The following STRADA variants were observed in gnomAD, a reference collection of about 807,000 sequenced individuals.
STRADA encodes the protein STE20 related adaptor alpha.
A neutral mutation model predicts 55.0 loss-of-function variants in STRADA; 26 were observed. The ratio of observed to expected loss-of-function variants is 0.47; its 90% CI spans 0.35 to 0.66. The LOEUF is 0.66. Ranked by LOEUF, STRADA falls within the 30% of genes least tolerant of loss-of-function variation. The pLI is 0.01. For missense variants in STRADA, 443 were observed against 549.7 expected (o/e 0.81, Z 1.94); for synonymous variants, 197 against 210.9 (o/e 0.93, Z 0.57).
intron 1 of STRADA, among the ~76,000 whole-genome samples, chr17:63,738,747 A>G (rs2038637443): frequency 6.6e-6 from 1 of 151,918 alleles, no homozygotes; most frequent in South Asian, 2.1e-4. Context: ...AGTCTCAGCT[A>G]CTCGGGAGAC....
At chr17:63,710,032 C>CTT (rs199783375) in intron 8 of STRADA, among the ~76,000 whole-genome samples, 4,906 of 132,200 alleles carry the variant, frequency 0.037, 375 homozygotes, top group African/African-American at 0.14. Flanking sequence ...ATCCTTCTCT[C>CTT]TTTTTTTTTT....
intron 4 of STRADA, among the ~76,000 whole-genome samples, chr17:63,721,864 C>G (rs542684296): frequency 1.3e-5 from 2 of 152,174 alleles, no homozygotes; most frequent in Non-Finnish European, 2.9e-5. Flanking sequence ...AAAATGGAGG[C>G]CTTCTACTTT....
Position 63,728,228 on chromosome 17 carries a change from G to A in STRADA, c.36+106C>T, listed in dbSNP as rs192882589. On this transcript the variant is annotated intron_variant, in intron 2 of 12. Coordinates refer to ENST00000336174, the MANE Select transcript of STRADA (RefSeq NM_001003787.4). ...CTTACTTCCTACATCCCTCACTTCC[G>A]TATCATTCCGACCCTCACGTAGAAA... is the stretch of plus-strand genomic sequence containing the variant. 490 of 1,027,158 alleles carry A rather than the reference G, an allele frequency of 4.8e-4. 2 individuals carry two copies. In the African/African-American group the frequency reaches 6.1e-3, roughly 13 times the overall value. 63.6% of individuals were successfully genotyped at this position (1,027,158 alleles called of 1,614,324 possible).
chr17:63,720,568 A>G (rs918958871), intron 4 of STRADA, among the ~76,000 whole-genome samples: 10 of 151,402 alleles, frequency 6.6e-5, no homozygotes, highest in African/African-American at 2.4e-4. Context: ...AGGTCAGGAG[A>G]TTGAGACCAT....
In STRADA at chr17:63,706,806, T is replaced by G. The variant is rs543834828; in HGVS notation, c.754-67A>C. On this transcript the variant is annotated intron_variant, in intron 9 of 12. Transcript: ENST00000336174. ...TTTGTTCTTAGAAAAAGGGTAGAACTAAAGAGAGGAAAAGGATGGCTGTCC... is the reference window on the plus strand; with the variant it reads ...TTTGTTCTTAGAAAAAGGGTAGAACGAAAGAGAGGAAAAGGATGGCTGTCC... The G allele has an allele frequency of 1.4e-4, 173 of 1,266,594 alleles. 1 individual carries two copies. In the African/African-American group the frequency reaches 2.4e-3, roughly 18 times the overall value. 78.5% of individuals were successfully genotyped at this position (1,266,594 alleles called of 1,614,324 possible).
At chr17:63,726,606 G>C (rs749918616) in intron 3 of STRADA, 32 bp downstream of exon 3, 29 of 1,603,566 alleles carry the variant, frequency 1.8e-5, no homozygotes, top group African/African-American at 2.7e-5. Context: ...TTTATATCCT[G>C]AAGTGATGGC....
intron 10 of STRADA, 134 bp from the exon 11 acceptor site, chr17:63,704,716 G>C: frequency 1.3e-6 from 2 of 1,510,852 alleles, no homozygotes; most frequent in Non-Finnish European, 1.8e-6. Context: ...TGGAAAAGGT[G>C]GAAGTGGAGT....
intron 4 of STRADA, among the ~76,000 whole-genome samples, chr17:63,719,976 A>T (rs2037178722): frequency 6.6e-6 from 1 of 152,110 alleles, no homozygotes; most frequent in African/African-American, 2.4e-5. Context: ...ATTACAGAAA[A>T]CTACCAAAAC....
intron 4 of STRADA, among the ~76,000 whole-genome samples, chr17:63,717,759 G>T (rs2036997992): frequency 6.6e-6 from 1 of 152,022 alleles, no homozygotes; most frequent in African/African-American, 2.4e-5. Context: ...TTACAGGTGT[G>T]AGCCACCATG....
At chr17:63,704,204 C>T (rs2035910861) in intron 11 of STRADA, 137 bp downstream of exon 11, 1 of 1,526,540 alleles carries the variant, frequency 6.6e-7, no homozygotes, top group Non-Finnish European at 8.8e-7. Flanking sequence ...CTGACACACC[C>T]AGGAGCTGAT....
rs141081057 is a variant in STRADA at position 63,710,784 on chromosome 17, C to A, written c.401G>T (p.Arg134Leu). ...CTCATTGTCTGCAATAAAAGTGGCTCGATATGGCACGATATTGGGATGGTT... is the reference window on the plus strand; with the variant it reads ...CTCATTGTCTGCAATAAAAGTGGCTAGATATGGCACGATATTGGGATGGTT... ...LFNHPNIVPY[R>L]ATFIADNELW... Residue 134 changes from arginine to leucine, a missense_variant, in exon 7 of 13, where the codon CGA becomes CTA. Transcript: ENST00000336174. The A allele has an allele frequency of 3.1e-6, 5 of 1,614,096 alleles. No homozygotes were observed. The East Asian group carries it at 1.1e-4, about 36-fold the overall frequency.
intron 1 of STRADA, among the ~76,000 whole-genome samples, chr17:63,738,738 G>T (rs1023377466): frequency 3.3e-5 from 5 of 151,956 alleles, no homozygotes; most frequent in Non-Finnish European, 7.4e-5. Context: ...TGCACCTGTA[G>T]TCTCAGCTAC....
intron 2 of STRADA, chr17:63,728,120 C>A: frequency 2.0e-6 from 1 of 507,922 alleles, no homozygotes; most frequent in Non-Finnish European, 3.5e-6. Flanking sequence ...TCTTCTCTAT[C>A]AGACAAGCTG....
chr17:63,716,601 C>A (rs1047275785), intron 4 of STRADA, among the ~76,000 whole-genome samples: 4 of 152,078 alleles, frequency 2.6e-5, no homozygotes, highest in Admixed American at 6.6e-5. Flanking sequence ...TGTTTCAGTG[C>A]AGGATTTCCC....
At chr17:63,720,498 G>C (rs1188210892) in intron 4 of STRADA, among the ~76,000 whole-genome samples, 1 of 151,886 alleles carries the variant, frequency 6.6e-6, no homozygotes, top group African/African-American at 2.4e-5. Flanking sequence ...CTGGGGGCTG[G>C]GCGAGGTGGC....
intron 1 of STRADA, among the ~76,000 whole-genome samples, chr17:63,739,085 G>A (rs986146368): frequency 1.4e-5 from 2 of 141,208 alleles, no homozygotes; most frequent in African/African-American, 2.6e-5. Context: ...CCTGGGAGGC[G>A]AAGCAAGACC....
intron 1 of STRADA, among the ~76,000 whole-genome samples, chr17:63,729,820 A>G (rs76731301): frequency 1.4e-5 from 2 of 141,762 alleles, no homozygotes; most frequent in Non-Finnish European, 3.1e-5. Context: ...CAAAAAAAAA[A>G]CCATGTCTCT....
chr17:63,739,760 T>TATA (rs2038731184), intron 1 of STRADA, among the ~76,000 whole-genome samples: 2 of 110,612 alleles, frequency 1.8e-5, no homozygotes, highest in African/African-American at 7.9e-5. Context: ...CATTATATAT[T>TATA]TATGTATATA....
At chr17:63,738,917 A>G (rs2038653529) in intron 1 of STRADA, among the ~76,000 whole-genome samples, 1 of 151,698 alleles carries the variant, frequency 6.6e-6, no homozygotes, top group Non-Finnish European at 1.5e-5. Flanking sequence ...TTTGGGAGGC[A>G]GAGGCGGGCA....
Sources: gnomAD v4.1 joint callset for allele counts (sites outside exome capture counted in the v4.1 genomes callset) on GRCh38, gnomAD v4.1.1 for gene constraint, MANE v1.5 for transcripts, NCBI Gene and HGNC (gene_info 2026-07-23, HGNC 2026-07-21) for gene names.